Variants in GUCY1A2 observed in about 807,000 individuals in gnomAD.
GUCY1A2 encodes the protein guanylate cyclase soluble subunit alpha-2.
A neutral mutation model predicts 63.5 loss-of-function variants in GUCY1A2; 27 were observed. The observed-to-expected ratio is 0.43, with a 90% confidence interval of 0.31 to 0.59. The LOEUF is 0.59. GUCY1A2 is among the 20% of genes least tolerant of loss of function. GUCY1A2 has a pLI of 0.11. For missense variants in GUCY1A2, 768 were observed against 913.3 expected (o/e 0.84, Z 2.05); for synonymous variants, 364 against 343.5 (o/e 1.06, Z -0.66).
intron 3 of GUCY1A2, among the ~76,000 whole-genome samples, chr11:106,970,512 TTTTG>T (rs1205772790): frequency 6.6e-6 from 1 of 152,188 alleles, no homozygotes; most frequent in Non-Finnish European, 1.5e-5. Context: ...CAGGTGCTGC[TTTTG>T]TTTATTAAAA....
chr11:106,840,186 T>C (rs1219153396), intron 4 of GUCY1A2, among the ~76,000 whole-genome samples: 1 of 151,952 alleles, frequency 6.6e-6, no homozygotes, highest in Non-Finnish European at 1.5e-5. Context: ...AATGATGATA[T>C]TGTTATTGGA....
rs900004833 is a variant in GUCY1A2, at chr11:106,836,137, GC to G, written c.1207-25660del. ...ATTAAGAATGAAAAAAGTGCAGTTG[GC>G]CCTGGAACAACATGGGGATTGGGAG... On this transcript the variant is annotated intron_variant, in intron 4 of 7. Transcript: ENST00000526355. Among the ~76,000 whole-genome samples the G allele has an allele frequency of 2.0e-4, 31 of 151,838 alleles. 1 individual carries two copies. Among genetic ancestry groups the G allele is most frequent in the Admixed American group, 1.5e-3 (23 of 15,194 alleles).
rs539127654 is a variant in GUCY1A2 at position 106,680,100 on chromosome 11, A to G, written c.*7449T>C. 6.4e-4 allele frequency: 137 copies of G among 215,742 alleles called. No homozygotes were observed. Among genetic ancestry groups the G allele is most frequent in the Non-Finnish European group, 1.5e-4 (16 of 107,066 alleles). The allele number at this position is 215,742 out of a possible 1,614,324, so 13.4% of individuals were successfully genotyped here. ...TCTACATCTTCCTGAATAAAAAACT[A>G]ACTCTCTTTGCTTCATCTCTTCTAA... On this transcript the variant is annotated 3_prime_UTR_variant, in exon 8 of 8. Coordinates refer to ENST00000526355, the MANE Select transcript of GUCY1A2 (RefSeq NM_000855.3).
intron 5 of GUCY1A2, among the ~76,000 whole-genome samples, chr11:106,785,361 T>G (rs1487488615): frequency 6.6e-6 from 1 of 152,098 alleles, no homozygotes; most frequent in Non-Finnish European, 1.5e-5. Context: ...GATTTTCAAC[T>G]TTTCTTTCCT....
At chr11:106,889,736 T>A (rs944938052) in intron 4 of GUCY1A2, among the ~76,000 whole-genome samples, 2 of 152,230 alleles carry the variant, frequency 1.3e-5, no homozygotes, top group African/African-American at 4.8e-5. Context: ...ATCAGTCAAC[T>A]ACATATTGTG....
intron 5 of GUCY1A2, among the ~76,000 whole-genome samples, chr11:106,781,035 G>A (rs889417949): frequency 7.0e-6 from 1 of 143,252 alleles, no homozygotes; most frequent in Admixed American, 7.4e-5. Flanking sequence ...AAAGTGTCAT[G>A]TATCAATTCC....
At chr11:106,739,997 CTTTT>C (rs35005245) in intron 6 of GUCY1A2, among the ~76,000 whole-genome samples, 1 of 129,884 alleles carries the variant, frequency 7.7e-6, no homozygotes. Flanking sequence ...TTGAGAGGCA[CTTTT>C]TTTTTTTTTT....
intron 4 of GUCY1A2, among the ~76,000 whole-genome samples, chr11:106,834,590 T>G (rs1019872414): frequency 1.3e-5 from 2 of 151,986 alleles, no homozygotes; most frequent in Non-Finnish European, 2.9e-5. Flanking sequence ...CTTCTGGCAG[T>G]AGGCTGGAAG....
intron 3 of GUCY1A2, among the ~76,000 whole-genome samples, chr11:106,944,396 G>C (rs929815919): frequency 6.6e-6 from 1 of 151,900 alleles, no homozygotes; most frequent in Non-Finnish European, 1.5e-5. Flanking sequence ...GCAGTGAGCT[G>C]TGACTGCACC....
chr11:106,922,662 CATATATATATATATATAT>C (rs6144495), intron 4 of GUCY1A2, among the ~76,000 whole-genome samples: 5,656 of 123,912 alleles, frequency 0.046, 142 homozygotes, highest in East Asian at 0.077. Flanking sequence ...TTGTTAACTA[CATATATATATATATATAT>C]ATATATATAT....
intron 4 of GUCY1A2, among the ~76,000 whole-genome samples, chr11:106,888,326 G>T (rs910569310): frequency 6.6e-6 from 1 of 151,664 alleles, no homozygotes; most frequent in Non-Finnish European, 1.5e-5. Flanking sequence ...TTAGCCGGGC[G>T]TGGTGGCGGG....
intron 3 of GUCY1A2, among the ~76,000 whole-genome samples, chr11:106,975,901 T>C (rs1259888542): frequency 1.3e-5 from 2 of 152,132 alleles, no homozygotes; most frequent in Admixed American, 6.6e-5. Context: ...TTTTATTCCA[T>C]GCCACCCTCT....
intron 7 of GUCY1A2, among the ~76,000 whole-genome samples, chr11:106,699,965 A>G (rs1862790551): frequency 6.6e-6 from 1 of 151,822 alleles, no homozygotes; most frequent in African/African-American, 2.4e-5. Context: ...TTGTATTTTT[A>G]GTAGAGACGG....
chr11:106,746,292 G>GT (rs1863786137), intron 6 of GUCY1A2, among the ~76,000 whole-genome samples: 1 of 152,146 alleles, frequency 6.6e-6, no homozygotes, highest in Admixed American at 6.5e-5. Flanking sequence ...TTCTTGGCCT[G>GT]TTTTATTTGT....
At chr11:106,913,503 G>C (rs1415889631) in intron 4 of GUCY1A2, among the ~76,000 whole-genome samples, 6 of 152,066 alleles carry the variant, frequency 3.9e-5, no homozygotes, top group Non-Finnish European at 8.8e-5. Flanking sequence ...AAAGCACCAA[G>C]CTGGTCAGTC....
chr11:107,016,641 A>G (rs115008528), intron 1 of GUCY1A2, among the ~76,000 whole-genome samples: 2,497 of 152,370 alleles, frequency 0.016, 67 homozygotes, highest in African/African-American at 0.057. Flanking sequence ...AGAAGCCACC[A>G]AAAAATGAGA....
At chr11:106,709,190 CTATA>C (rs1187307235) in intron 6 of GUCY1A2, among the ~76,000 whole-genome samples, 15 of 106,648 alleles carry the variant, frequency 1.4e-4, no homozygotes, top group African/African-American at 4.7e-4. Context: ...TTATATATAA[CTATA>C]TATAATATAC....
At chr11:106,841,910 A>C (rs914856199) in intron 4 of GUCY1A2, among the ~76,000 whole-genome samples, 1 of 151,846 alleles carries the variant, frequency 6.6e-6, no homozygotes, top group South Asian at 2.1e-4. Context: ...ATCATGTTAG[A>C]TATTCTGAAT....
intron 3 of GUCY1A2, among the ~76,000 whole-genome samples, chr11:106,970,861 T>C (rs970388732): frequency 1.3e-5 from 2 of 149,428 alleles, no homozygotes; most frequent in African/African-American, 4.9e-5. Flanking sequence ...CTGTGGTACA[T>C]GTTAAATGGA....
Sources: gnomAD v4.1 joint callset for allele counts (sites outside exome capture counted in the v4.1 genomes callset) on GRCh38, gnomAD v4.1.1 for gene constraint, MANE v1.5 for transcripts, NCBI Gene and HGNC (gene_info 2026-07-23, HGNC 2026-07-21) for gene names.